The following GRIK2 variants were observed in gnomAD, a reference collection of about 807,000 sequenced individuals.
The protein encoded by GRIK2 is glutamate ionotropic receptor kainate type subunit 2.
In GRIK2, 32 loss-of-function variants were observed where a neutral mutation model predicts 100.3. The ratio of observed to expected loss-of-function variants is 0.32; its 90% CI spans 0.24 to 0.43. The LOEUF is 0.43. GRIK2 is among the 20% of genes least tolerant of loss of function. The pLI is 1.00. For synonymous variants in GRIK2, 417 were observed against 389.4 expected (o/e 1.07, Z -0.83); for missense variants, 843 against 1,114.9 (o/e 0.76, Z 3.47).
At chr6:101,927,860 A>G (rs1442417987) in intron 13 of GRIK2, 1 of 153,378 alleles carries the variant, frequency 6.5e-6, no homozygotes, top group Non-Finnish European at 1.5e-5. Flanking sequence ...TAAAATAAAC[A>G]TTACACTAAA....
rs184100504 is a variant in GRIK2, at chr6:101,690,534, C to T, written c.951+4181C>T. 4.6e-5 allele frequency among the ~76,000 whole-genome samples: 7 copies of T among 152,248 alleles called. No homozygotes were observed. The East Asian group carries it at 1.4e-3, about 29-fold the overall frequency. The stretch of plus-strand genomic sequence containing the variant: ...ATAATCCCCTCACTGAAGTCCTACT[C>T]CTAACATCTCTCTCCTACATTCACC... On this transcript the variant is annotated intron_variant, in intron 7 of 16. Transcript: ENST00000369134.
intron 12 of GRIK2, among the ~76,000 whole-genome samples, chr6:101,900,701 T>TAAAA (rs1787790215): frequency 6.6e-6 from 1 of 152,104 alleles, no homozygotes; most frequent in African/African-American, 2.4e-5. Flanking sequence ...TGAAAGATGT[T>TAAAA]ATAAAAATTA....
intron 14 of GRIK2, among the ~76,000 whole-genome samples, chr6:101,984,169 A>G: frequency 6.6e-6 from 1 of 151,776 alleles, no homozygotes; most frequent in Non-Finnish European, 1.5e-5. Flanking sequence ...TAAATTATTA[A>G]TTTATGAATT....
At chr6:101,970,767 A>G (rs9498769) in intron 14 of GRIK2, among the ~76,000 whole-genome samples, 2,578 of 151,012 alleles carry the variant, frequency 0.017, 227 homozygotes, top group African/African-American at 0.061. Flanking sequence ...CCTCAATTTC[A>G]TCTAATGTCT....
At position 102,068,406 on chromosome 6, in the gene GRIK2, G is replaced by A; in HGVS notation, c.2622G>A (p.Arg874=). 1 of 1,612,058 alleles carries A rather than the reference G, an allele frequency of 6.2e-7. No homozygotes were observed. ...ELRMSLKCQR[R]LKHKPQAPVI... Reference sequence around the variant, plus strand: ...GGATGTCCCTGAAGTGCCAGCGTCGGTTAAAACATAAGCCACAGGCCCCAG... The same window carrying A: ...GGATGTCCCTGAAGTGCCAGCGTCGATTAAAACATAAGCCACAGGCCCCAG... Residue 874 remains arginine, a synonymous_variant, in exon 17 of 17, where the codon CGG becomes CGA. Transcript: ENST00000369134.
chr6:101,602,862 T>C (rs1451718452), intron 2 of GRIK2, among the ~76,000 whole-genome samples: 1 of 151,752 alleles, frequency 6.6e-6, no homozygotes, highest in African/African-American at 2.4e-5. Flanking sequence ...AGTCAACTTT[T>C]ATTTGAATTG....
chr6:101,798,228 G>A (rs9399731), intron 7 of GRIK2, among the ~76,000 whole-genome samples: 151,774 of 152,174 alleles, frequency 1, 75,690 homozygotes, highest in Middle Eastern at 1. Context: ...ATTTTAAAAC[G>A]CTCAAAATGT....
chr6:101,469,220 A>G (rs1391082464), intron 2 of GRIK2, among the ~76,000 whole-genome samples: 2 of 152,206 alleles, frequency 1.3e-5, no homozygotes, highest in African/African-American at 4.8e-5. Flanking sequence ...ATCTGGATCA[A>G]TGATCTAAAC....
chr6:101,586,471 T>C (rs1778369644), intron 2 of GRIK2, among the ~76,000 whole-genome samples: 1 of 152,032 alleles, frequency 6.6e-6, no homozygotes, highest in Non-Finnish European at 1.5e-5. Flanking sequence ...AAAACTGCTC[T>C]GAAGGAACAT....
At chr6:101,663,049 G>T (rs768518661) in intron 4 of GRIK2, among the ~76,000 whole-genome samples, 8 of 152,052 alleles carry the variant, frequency 5.3e-5, no homozygotes, top group Non-Finnish European at 8.8e-5. Flanking sequence ...AAAGAGTTAC[G>T]TTCTACTTGG....
At chr6:101,844,853 C>T (rs572328348) in intron 10 of GRIK2, among the ~76,000 whole-genome samples, 2 of 152,192 alleles carry the variant, frequency 1.3e-5, no homozygotes, top group Non-Finnish European at 2.9e-5. Flanking sequence ...ATGCAAAATT[C>T]ATCATTTTCA....
intron 4 of GRIK2, among the ~76,000 whole-genome samples, chr6:101,654,318 T>TC (rs1056883835): frequency 6.6e-5 from 10 of 152,226 alleles, no homozygotes; most frequent in African/African-American, 2.2e-4. Context: ...TTACTTTTTT[T>TC]CCCCAGTCCT....
chr6:102,040,102 C>A (rs1297182736), intron 15 of GRIK2, among the ~76,000 whole-genome samples: 1 of 151,238 alleles, frequency 6.6e-6, no homozygotes, highest in Admixed American at 6.6e-5. Flanking sequence ...TTTCTGTGAA[C>A]AAAACCCAAA....
chr6:101,907,206 T>C (rs1775453526), intron 12 of GRIK2, among the ~76,000 whole-genome samples: 1 of 151,704 alleles, frequency 6.6e-6, no homozygotes, highest in South Asian at 2.1e-4. Flanking sequence ...ATACAAAGTC[T>C]TAAGTTCTTG....
intron 7 of GRIK2, among the ~76,000 whole-genome samples, chr6:101,757,379 A>T (rs184132320): frequency 1.3e-5 from 2 of 152,332 alleles, no homozygotes; most frequent in South Asian, 2.1e-4. Flanking sequence ...AATCATGAAT[A>T]TGTTAAATTA....
Position 101,928,509 on chromosome 6 carries a change from C to T in GRIK2, c.1962C>T (p.Asn654=), listed in dbSNP as rs1382945672. 2 of 1,603,610 alleles carry T rather than the reference C, an allele frequency of 1.2e-6. No homozygotes were observed. The highest frequency in any genetic ancestry group is 1.7e-6 in the Non-Finnish European group (2 of 1,170,448). Residue 654 remains asparagine, a synonymous_variant, in exon 14 of 17, where the codon AAC becomes AAT. Coordinates refer to ENST00000369134, the MANE Select transcript of GRIK2 (RefSeq NM_021956.5). ...TCATCATTTCTTCGTATACTGCTAA[C>T]TTAGCCGCCTTTCTGACAGTGGAAC... ...TLIIISSYTA[N]LAAFLTVERM...
At chr6:101,402,839 C>A (rs1775394051) in intron 2 of GRIK2, among the ~76,000 whole-genome samples, 1 of 152,236 alleles carries the variant, frequency 6.6e-6, no homozygotes, top group South Asian at 2.1e-4. Flanking sequence ...AATGAGGCAT[C>A]TTTGTTTCGC....
intron 5 of GRIK2, among the ~76,000 whole-genome samples, chr6:101,677,512 C>T (rs1254438688): frequency 6.6e-6 from 1 of 152,082 alleles, no homozygotes; most frequent in Non-Finnish European, 1.5e-5. Flanking sequence ...ATTATTCAGA[C>T]CTAACAGCAA....
chr6:101,902,110 G>GT (rs1384570894), intron 12 of GRIK2, among the ~76,000 whole-genome samples: 5 of 151,954 alleles, frequency 3.3e-5, no homozygotes, highest in Admixed American at 1.3e-4. Context: ...GCTTTCCTTT[G>GT]TAGCATTTGC....
Sources: allele counts gnomAD v4.1 joint callset (sites outside exome capture counted in the v4.1 genomes callset), GRCh38; gene constraint gnomAD v4.1.1; transcripts MANE v1.5; gene names NCBI Gene and HGNC (gene_info 2026-07-23, HGNC 2026-07-21).